AGBL1: variants seen among roughly 807,000 people sequenced by gnomAD.
The protein encoded by AGBL1 is AGBL carboxypeptidase 1.
A neutral mutation model predicts 118.9 loss-of-function variants in AGBL1; 130 were observed. The ratio of observed to expected loss-of-function variants is 1.09; its 90% CI spans 0.95 to 1.26. The LOEUF is 1.26. Ranked by LOEUF, AGBL1 falls within the 50% of genes most tolerant of loss-of-function variation. The probability of loss-of-function intolerance (pLI) is 0.00; values close to 1 mark genes in which losing one functional copy is unlikely to be tolerated. For synonymous variants in AGBL1, 555 were observed against 478.9 expected, an observed-to-expected ratio of 1.16 and a Z score of -2.08; for missense variants, 1,584 against 1,298.1, an observed-to-expected ratio of 1.22 and a Z score of -3.38.
chr15:86,730,508 T>C (rs992890498), intron 22 of AGBL1, among the ~76,000 whole-genome samples: 1 of 152,016 alleles, frequency 6.6e-6, no homozygotes, highest in African/African-American at 2.4e-5. Flanking sequence ...GGTCCGTGGG[T>C]TTTTTTTCTT....
chr15:86,792,939 T>C (rs141163987), intron 22 of AGBL1, among the ~76,000 whole-genome samples: 2 of 152,254 alleles, frequency 1.3e-5, no homozygotes, highest in East Asian at 3.9e-4. Context: ...TCCCATTCTA[T>C]ACATATTTTA....
chr15:86,838,944 A>AAAT (rs2079206357), intron 22 of AGBL1, among the ~76,000 whole-genome samples: 1 of 144,968 alleles, frequency 6.9e-6, no homozygotes, highest in South Asian at 2.2e-4. Flanking sequence ...GATCCTGTAA[A>AAAT]AAAAAAAAAA....
At chr15:86,284,192 A>T (rs548692216) in intron 16 of AGBL1, among the ~76,000 whole-genome samples, 412 of 27,102 alleles carry the variant, frequency 0.015, 2 homozygotes, top group African/African-American at 0.05. Context: ...AAATTAAAAT[A>T]AAAAAAAAAA....
At chr15:86,779,171 G>C (rs553995950) in intron 22 of AGBL1, among the ~76,000 whole-genome samples, 18 of 152,218 alleles carry the variant, frequency 1.2e-4, no homozygotes, top group African/African-American at 4.3e-4. Context: ...TGACTAGTTT[G>C]TCCTCTTAAA....
chr15:86,720,774 A>C (rs2086706337), intron 22 of AGBL1, among the ~76,000 whole-genome samples: 1 of 152,216 alleles, frequency 6.6e-6, no homozygotes, highest in African/African-American at 2.4e-5. Context: ...ATAAAGAAGA[A>C]AAGAAGAACC....
intron 17 of AGBL1, among the ~76,000 whole-genome samples, chr15:86,348,469 T>C (rs2080574108): frequency 6.6e-6 from 1 of 152,186 alleles, no homozygotes; most frequent in Non-Finnish European, 1.5e-5. Context: ...CTTTTGATGA[T>C]CACCACTGGT....
chr15:86,289,472 T>C (rs930000562), intron 16 of AGBL1, among the ~76,000 whole-genome samples: 2 of 152,184 alleles, frequency 1.3e-5, no homozygotes, highest in African/African-American at 4.8e-5. Flanking sequence ...TTCACATACA[T>C]TATACAACTA....
intron 23 of AGBL1, among the ~76,000 whole-genome samples, chr15:86,945,663 A>T (rs563086861): frequency 6.6e-6 from 1 of 152,214 alleles, no homozygotes; most frequent in Non-Finnish European, 1.5e-5. Context: ...AGAGAGTGAG[A>T]CCCCATCTCA....
chr15:86,340,746 G>T (rs1345789258), intron 17 of AGBL1, among the ~76,000 whole-genome samples: 1 of 152,154 alleles, frequency 6.6e-6, no homozygotes, highest in Non-Finnish European at 1.5e-5. Flanking sequence ...GTAGAGGAAG[G>T]GTGGGGATGC....
intron 22 of AGBL1, among the ~76,000 whole-genome samples, chr15:86,869,141 A>G (rs2079682665): frequency 6.6e-6 from 1 of 152,246 alleles, no homozygotes; most frequent in South Asian, 2.1e-4. Context: ...TGCTTGCACA[A>G]CTGATAAACT....
At chr15:86,423,463 T>C (rs1355078641) in intron 18 of AGBL1, among the ~76,000 whole-genome samples, 1 of 151,980 alleles carries the variant, frequency 6.6e-6, no homozygotes, top group Non-Finnish European at 1.5e-5. Context: ...AGCATTCCCT[T>C]TGAAAACCAG....
intron 18 of AGBL1, among the ~76,000 whole-genome samples, chr15:86,476,659 T>G (rs1043231281): frequency 6.6e-6 from 1 of 152,146 alleles, no homozygotes; most frequent in African/African-American, 2.4e-5. Flanking sequence ...ACTGTCAACA[T>G]GAGACAGATG....
chr15:86,143,437 A>G (rs1310280743), intron 2 of AGBL1, among the ~76,000 whole-genome samples: 1 of 152,214 alleles, frequency 6.6e-6, no homozygotes. Context: ...ATTCAACAGA[A>G]TCTCAGATAA....
chr15:86,985,486 A>T (rs865881374), intron 23 of AGBL1, among the ~76,000 whole-genome samples: 1 of 152,254 alleles, frequency 6.6e-6, no homozygotes, highest in African/African-American at 2.4e-5. Flanking sequence ...CCTGATGACT[A>T]ACGCTGCTAA....
intron 23 of AGBL1, among the ~76,000 whole-genome samples, chr15:86,963,917 T>C (rs975753933): frequency 2.0e-5 from 3 of 151,770 alleles, no homozygotes; most frequent in Admixed American, 1.3e-4. Flanking sequence ...GAAAGAATTA[T>C]GAGCGATTCA....
chr15:86,214,802 C>T (rs1386631222), intron 5 of AGBL1, among the ~76,000 whole-genome samples: 2 of 152,218 alleles, frequency 1.3e-5, no homozygotes, highest in African/African-American at 2.4e-5. Flanking sequence ...CTCCCAGCCT[C>T]GATTGTGGTG....
At chr15:87,007,942 C>A (rs921551883) in intron 24 of AGBL1, among the ~76,000 whole-genome samples, 1 of 152,134 alleles carries the variant, frequency 6.6e-6, no homozygotes, top group Admixed American at 6.5e-5. Flanking sequence ...TCTCTGCAGC[C>A]TTTATAAGGA....
intron 5 of AGBL1, among the ~76,000 whole-genome samples, chr15:86,212,178 A>G (rs1476543259): frequency 1.3e-5 from 2 of 152,234 alleles, no homozygotes; most frequent in Non-Finnish European, 2.9e-5. Context: ...ATATTTATAA[A>G]TTACTGTATA....
intron 17 of AGBL1, among the ~76,000 whole-genome samples, chr15:86,383,164 A>T (rs1224683547): frequency 6.8e-6 from 1 of 146,822 alleles, no homozygotes; most frequent in Non-Finnish European, 1.5e-5. Context: ...CAGCTGTCTT[A>T]AATAGCCGGA....
Sources: allele counts gnomAD v4.1 joint callset (sites outside exome capture counted in the v4.1 genomes callset), GRCh38; gene constraint gnomAD v4.1.1; transcripts MANE v1.5; gene names NCBI Gene and HGNC (gene_info 2026-07-23, HGNC 2026-07-21).